Variants in PTCHD4 observed in about 807,000 individuals in gnomAD.
PTCHD4 encodes the protein patched domain-containing protein 4.
PTCHD4 carries 33 observed loss-of-function variants against 58.1 expected under a neutral mutation model. The observed-to-expected ratio is 0.57, with a 90% CI of 0.43 to 0.76. PTCHD4 has a LOEUF of 0.76. PTCHD4 is among the 30% of genes least tolerant of loss of function. The pLI is 0.00. For synonymous variants in PTCHD4, 478 were observed against 409.6 expected, an observed-to-expected ratio of 1.17 and a Z score of -2.02; for missense variants, 1,058 against 1,027.1, an observed-to-expected ratio of 1.03 and a Z score of -0.41.
chr6:47,924,165 C>T (rs1310065915), intron 4 of PTCHD4, among the ~76,000 whole-genome samples: 1 of 152,098 alleles, frequency 6.6e-6, no homozygotes, highest in Non-Finnish European at 1.5e-5. Flanking sequence ...GAGCCTCCCC[C>T]TCATCCCGAG....
Position 47,867,456 on chromosome 6 carries a change from C to G in PTCHD4, c.*10847G>C, listed in dbSNP as rs1279991008. 6.6e-6 allele frequency among the ~76,000 whole-genome samples: 1 copy of G among 151,728 alleles called. No individual in the cohort carries two copies. The highest frequency in any genetic ancestry group is 2.4e-5 in the African/African-American group (1 of 41,340). On this transcript the variant is annotated 3_prime_UTR_variant, in exon 5 of 5. Coordinates refer to ENST00000339488, the MANE Select transcript of PTCHD4 (RefSeq NM_001384253.1). ...TTGTAAACCATTCACTGCATTTAAG[C>G]CCAAGGATACATCATAAAAAGAGCT... is the stretch of plus-strand genomic sequence containing the variant.
At chr6:48,091,452 A>C (rs1765364469) in intron 1 of PTCHD4, among the ~76,000 whole-genome samples, 1 of 152,084 alleles carries the variant, frequency 6.6e-6, no homozygotes, top group South Asian at 2.1e-4. Flanking sequence ...GAATTTCTTC[A>C]GGTAATTCTG....
intron 4 of PTCHD4, among the ~76,000 whole-genome samples, chr6:47,964,232 T>C (rs1767202766): frequency 6.6e-6 from 1 of 152,252 alleles, no homozygotes; most frequent in African/African-American, 2.4e-5. Context: ...AGATCTGCCA[T>C]ACAATATATT....
intron 1 of PTCHD4, among the ~76,000 whole-genome samples, chr6:48,110,777 T>TA (rs1562053914): frequency 1.4e-5 from 2 of 140,904 alleles, no homozygotes; most frequent in Non-Finnish European, 3.1e-5. Context: ...CTTTTCTATT[T>TA]TATATATATA....
chr6:48,074,892 T>G (rs1359056734), intron 1 of PTCHD4, among the ~76,000 whole-genome samples: 1 of 152,208 alleles, frequency 6.6e-6, no homozygotes, highest in Non-Finnish European at 1.5e-5. Flanking sequence ...GTTAAAAAGC[T>G]TTATAATGGT....
intron 4 of PTCHD4, among the ~76,000 whole-genome samples, chr6:48,000,175 A>T (rs538710466): frequency 6.6e-6 from 1 of 152,316 alleles, no homozygotes; most frequent in Admixed American, 6.5e-5. Flanking sequence ...GGTGGCAAAG[A>T]GGTCTTCCTG....
intron 3 of PTCHD4, among the ~76,000 whole-genome samples, chr6:48,016,577 C>A (rs1762875714): frequency 6.6e-6 from 1 of 151,848 alleles, no homozygotes; most frequent in Admixed American, 6.6e-5. Flanking sequence ...GATGCTATCT[C>A]ACGGCCATAA....
intron 4 of PTCHD4, among the ~76,000 whole-genome samples, chr6:47,883,152 T>C (rs1352886709): frequency 1.3e-5 from 2 of 152,106 alleles, no homozygotes; most frequent in African/African-American, 4.8e-5. Flanking sequence ...GTTTGTTATA[T>C]AATAACTTTT....
chr6:47,992,117 A>G (rs970356530), intron 4 of PTCHD4, among the ~76,000 whole-genome samples: 3 of 152,180 alleles, frequency 2.0e-5, no homozygotes, highest in African/African-American at 7.2e-5. Context: ...TTAGTACAAA[A>G]ACAATGGAGA....
intron 4 of PTCHD4, among the ~76,000 whole-genome samples, chr6:47,911,203 G>A (rs1051066883): frequency 3.3e-5 from 5 of 151,958 alleles, no homozygotes; most frequent in Non-Finnish European, 7.4e-5. Flanking sequence ...GAGAGCAAGG[G>A]GATAAAAAAT....
intron 4 of PTCHD4, among the ~76,000 whole-genome samples, chr6:47,983,430 G>T (rs2114015548): frequency 6.6e-6 from 1 of 152,082 alleles, no homozygotes; most frequent in East Asian, 1.9e-4. Flanking sequence ...TTACTGTTCA[G>T]ACAAACATTC....
At chr6:47,948,025 T>C (rs868784929) in intron 4 of PTCHD4, among the ~76,000 whole-genome samples, 1 of 152,176 alleles carries the variant, frequency 6.6e-6, no homozygotes, top group Non-Finnish European at 1.5e-5. Flanking sequence ...AGAAATTTCT[T>C]CCCTCAAAAA....
Position 47,872,126 on chromosome 6 carries a change from T to G in PTCHD4, c.*6177A>C, listed in dbSNP as rs1476225633. On this transcript the variant is annotated 3_prime_UTR_variant, in exon 5 of 5. Coordinates refer to ENST00000339488, the MANE Select transcript of PTCHD4 (RefSeq NM_001384253.1). ...GGTGTTTCCGTGTCCAGGGAGAGAT[T>G]CTAGTAACCATATTACATTAGATAA... Among the ~76,000 whole-genome samples, 1 of 151,526 alleles carries G rather than the reference T, an allele frequency of 6.6e-6. No individual in the cohort carries two copies. Among genetic ancestry groups the G allele is most frequent in the Non-Finnish European group, 1.5e-5 (1 of 67,706 alleles).
chr6:48,017,012 T>C lies in PTCHD4; in HGVS notation c.418-7898A>G, dbSNP rs536026324. On this transcript the variant is annotated intron_variant, in intron 3 of 4. Transcript: ENST00000339488. ...TTCCATGAGGCAGACACTGCAAAGA[T>C]ATTGGAAAGTTTTAGATGGTTAGTT... 3.3e-5 allele frequency among the ~76,000 whole-genome samples: 5 copies of C among 152,338 alleles called. No individual in the cohort carries two copies. The East Asian group carries it at 5.8e-4, about 18-fold the overall frequency.
At position 47,862,511 on chromosome 6, in the gene PTCHD4, C is replaced by T. The variant is rs1253747592; in HGVS notation, c.*15792G>A. On this transcript the variant is annotated 3_prime_UTR_variant, in exon 5 of 5. Transcript: ENST00000339488. ...CCTGTTTATTTATTTGGTTTCCTGG[C>T]CATTTGTCAATTTTTTTCTTCATAT... Among the ~76,000 whole-genome samples the T allele has an allele frequency of 6.6e-6, 1 of 151,604 alleles. No individual in the cohort carries two copies. Among genetic ancestry groups the T allele is most frequent in the Non-Finnish European group, 1.5e-5 (1 of 67,780 alleles).
chr6:48,033,775 T>C (rs1763533089), intron 3 of PTCHD4, among the ~76,000 whole-genome samples: 1 of 152,074 alleles, frequency 6.6e-6, no homozygotes, highest in South Asian at 2.1e-4. Context: ...TGTTTTTACA[T>C]AGTTTCTGCC....
At chr6:47,935,894 G>A (rs896729815) in intron 4 of PTCHD4, among the ~76,000 whole-genome samples, 2 of 152,212 alleles carry the variant, frequency 1.3e-5, no homozygotes, top group Non-Finnish European at 2.9e-5. Context: ...GGAGGGTAGA[G>A]AGTACCAGTG....
At chr6:48,032,409 T>C (rs1763478742) in intron 3 of PTCHD4, among the ~76,000 whole-genome samples, 1 of 152,036 alleles carries the variant, frequency 6.6e-6, no homozygotes, top group African/African-American at 2.4e-5. Flanking sequence ...TCTCTCTCCC[T>C]CTCTCTGTGT....
chr6:47,953,730 G>C (rs1359451890), intron 4 of PTCHD4, among the ~76,000 whole-genome samples: 1 of 152,058 alleles, frequency 6.6e-6, no homozygotes, highest in Non-Finnish European at 1.5e-5. Flanking sequence ...TGTGACTGAG[G>C]ACTATGAAAT....
Sources: gnomAD v4.1 joint callset for allele counts (sites outside exome capture counted in the v4.1 genomes callset) on GRCh38, gnomAD v4.1.1 for gene constraint, MANE v1.5 for transcripts, NCBI Gene and HGNC (gene_info 2026-07-23, HGNC 2026-07-21) for gene names.